COPG2: variants seen among roughly 807,000 people sequenced by gnomAD.
The protein encoded by COPG2 is coatomer subunit gamma-2.
In COPG2, 37 loss-of-function variants were observed where a neutral mutation model predicts 46.3. That is an observed-to-expected ratio of 0.80 (90% confidence interval 0.61 to 1.05). COPG2 has a LOEUF of 1.05. Ranked by LOEUF, COPG2 falls within the 50% of genes least tolerant of loss-of-function variation. The pLI is 0.00. For missense variants in COPG2, 427 were observed against 387.8 expected, an observed-to-expected ratio of 1.10 and a Z score of -0.85; for synonymous variants, 159 against 129.7, an observed-to-expected ratio of 1.23 and a Z score of -1.53.
At chr7:130,612,087 C>T in intron 8 of COPG2, 65 bp downstream of exon 8, 2 of 1,101,900 alleles carry the variant, frequency 1.8e-6, no homozygotes, top group Non-Finnish European at 2.7e-6. Flanking sequence ...CGATACACTG[C>T]CCCTACAATA....
intron 3 of COPG2, among the ~76,000 whole-genome samples, chr7:130,666,396 C>T (rs1158022722): frequency 1.3e-5 from 2 of 152,138 alleles, no homozygotes; most frequent in East Asian, 1.9e-4. Flanking sequence ...ATCTACTATG[C>T]GCATCACTGG....
intron 5 of COPG2, among the ~76,000 whole-genome samples, chr7:130,628,181 T>C (rs1253404686): frequency 2.0e-5 from 3 of 152,180 alleles, no homozygotes; most frequent in Non-Finnish European, 4.4e-5. Context: ...CTCAAATCAG[T>C]CTGTGGTCTG....
chr7:130,566,485 G>C (rs1338758743), intron 9 of COPG2, among the ~76,000 whole-genome samples: 6 of 152,206 alleles, frequency 3.9e-5, no homozygotes, highest in African/African-American at 1.4e-4. Context: ...GAAGGAATAT[G>C]AATTGTTCTT....
intron 2 of COPG2, among the ~76,000 whole-genome samples, 176 bp downstream of exon 2, chr7:130,667,306 G>A (rs1796105858): frequency 6.6e-6 from 1 of 152,114 alleles, no homozygotes; most frequent in African/African-American, 2.4e-5. Flanking sequence ...ATTTCTATAA[G>A]CTCCAAATTC....
At chr7:130,584,399 A>G (rs1252962307) in intron 9 of COPG2, among the ~76,000 whole-genome samples, 1 of 152,058 alleles carries the variant, frequency 6.6e-6, no homozygotes, top group Admixed American at 6.6e-5. Flanking sequence ...GAGAACTGAA[A>G]CAAGATAACG....
intron 20 of COPG2, among the ~76,000 whole-genome samples, chr7:130,537,572 TGA>T (rs1442655149): frequency 4.5e-4 from 67 of 148,774 alleles, no homozygotes; most frequent in African/African-American, 1.5e-3. Flanking sequence ...GAGCAGAGGG[TGA>T]GTTTGCAGCA....
chr7:130,610,116 C>G (rs782220924), intron 9 of COPG2: 3 of 519,256 alleles, frequency 5.8e-6, no homozygotes, highest in Non-Finnish European at 1.2e-5. Context: ...GTCACTGCCT[C>G]TGTATTTTTT....
At chr7:130,613,390 ACCCCTGCTCTAGATAAAACAC>A (rs11271772) in intron 7 of COPG2, among the ~76,000 whole-genome samples, 133 bp downstream of exon 7, 3,215 of 152,230 alleles carry the variant, frequency 0.021, 92 homozygotes, top group African/African-American at 0.065. Flanking sequence ...TGGGGTGGGG[ACCCCTGCTCTAGATAAAACAC>A]ACTTGGATAA....
At position 130,616,278 on chromosome 7, in the gene COPG2, A is replaced by G. The variant is rs139436961; in HGVS notation, c.399+712T>C. 6.9e-3 allele frequency among the ~76,000 whole-genome samples: 1,049 copies of G among 152,328 alleles called. 13 individuals carry two copies. The highest frequency in any genetic ancestry group is 0.024 in the African/African-American group (994 of 41,582). ...GTTGATTGTGTAGGAGATGCTTACT[A>G]TATTGGCAGCAGTGGAAGGCAGATA... On this transcript the variant is annotated intron_variant, in intron 6 of 23. Coordinates refer to ENST00000425248, the MANE Select transcript of COPG2 (RefSeq NM_012133.6).
chr7:130,646,417 C>G (rs1218215803), intron 5 of COPG2, among the ~76,000 whole-genome samples: 1 of 152,142 alleles, frequency 6.6e-6, no homozygotes, highest in African/African-American at 2.4e-5. Context: ...TTCTTCTACC[C>G]AAAGTTCACC....
chr7:130,629,580 G>A (rs1795188466), intron 5 of COPG2, among the ~76,000 whole-genome samples: 1 of 151,906 alleles, frequency 6.6e-6, no homozygotes. Context: ...ATCTTTAATA[G>A]AGAGGGGGTT....
chr7:130,542,786 G>C (rs1793357218), intron 20 of COPG2, among the ~76,000 whole-genome samples: 1 of 152,130 alleles, frequency 6.6e-6, no homozygotes, highest in Non-Finnish European at 1.5e-5. Flanking sequence ...AGGCAGGTAG[G>C]AGGGGAGATA....
At chr7:130,662,252 A>G (rs1335787614) in intron 4 of COPG2, among the ~76,000 whole-genome samples, 1 of 152,198 alleles carries the variant, frequency 6.6e-6, no homozygotes, top group East Asian at 1.9e-4. Flanking sequence ...ACCTCTCATT[A>G]TTTAGATCCA....
intron 20 of COPG2, among the ~76,000 whole-genome samples, chr7:130,521,401 G>A (rs1179001032): frequency 6.6e-6 from 1 of 152,124 alleles, no homozygotes; most frequent in Non-Finnish European, 1.5e-5. Flanking sequence ...ACAGTATGCT[G>A]GAAAGAAGAA....
chr7:130,649,753 C>G (rs1795700098), intron 5 of COPG2, among the ~76,000 whole-genome samples: 1 of 152,164 alleles, frequency 6.6e-6, no homozygotes, highest in Non-Finnish European at 1.5e-5. Flanking sequence ...TAGGCGTTTT[C>G]TATCTTGCAC....
chr7:130,541,058 G>A (rs1172749782), intron 20 of COPG2, among the ~76,000 whole-genome samples: 2 of 152,218 alleles, frequency 1.3e-5, no homozygotes, highest in African/African-American at 2.4e-5. Context: ...GGGCAGACAC[G>A]TGGAGTGTGA....
intron 5 of COPG2, among the ~76,000 whole-genome samples, chr7:130,627,957 T>C (rs1449672677): frequency 6.6e-6 from 1 of 152,206 alleles, no homozygotes; most frequent in Admixed American, 6.5e-5. Context: ...TTGTTTCTTA[T>C]CATTTAGGGA....
intron 20 of COPG2, among the ~76,000 whole-genome samples, chr7:130,523,381 G>C (rs1799743565): frequency 2.0e-5 from 3 of 152,162 alleles, no homozygotes; most frequent in Admixed American, 2.0e-4. Flanking sequence ...AATAGCAAAA[G>C]AAGAAACCGA....
chr7:130,567,198 C>T (rs1425556521), intron 9 of COPG2, among the ~76,000 whole-genome samples: 3 of 152,030 alleles, frequency 2.0e-5, no homozygotes, highest in African/African-American at 7.2e-5. Context: ...ACATTGAGTG[C>T]ACATGGTCAC....
Sources: allele counts gnomAD v4.1 joint callset (sites outside exome capture counted in the v4.1 genomes callset), GRCh38; gene constraint gnomAD v4.1.1; transcripts MANE v1.5; gene names NCBI Gene and HGNC (gene_info 2026-07-23, HGNC 2026-07-21).